Variants in HMX1 observed in about 807,000 individuals in gnomAD.
HMX1 encodes the protein homeobox protein HMX1.
Under a neutral mutation model 8.9 loss-of-function variants are expected in HMX1, and 8 were observed. That is an observed-to-expected ratio of 0.90 (90% CI 0.53 to 1.63). The LOEUF is 1.63. HMX1 is among the 40% of genes most tolerant of loss of function. The pLI is 0.00. For synonymous variants in HMX1, 311 were observed against 283.4 expected (o/e 1.10, Z -0.98); for missense variants, 621 against 558.5 (o/e 1.11, Z -1.13).
Position 8,867,948 on chromosome 4 carries a change from GGCTGCCA to G in HMX1, c.785_791del (p.Leu262ProfsTer146). On this transcript the variant is annotated frameshift_variant, in exon 2 of 2. Coordinates refer to ENST00000400677, the MANE Select transcript of HMX1 (RefSeq NM_018942.3). LOFTEE classifies it low-confidence loss of function (END_TRUNC). ...GGGACAGGCTGGCCGCCTCCAGCTC[GGCTGCCA>G]GCTGCCGCTTCCACTTGTTGCGGCG... is the stretch of plus-strand genomic sequence containing the variant. The G allele has an allele frequency of 6.7e-7, 1 of 1,488,296 alleles. No individual in the cohort carries two copies. Among genetic ancestry groups the G allele is most frequent in the South Asian group, 1.3e-5 (1 of 78,468 alleles). The allele number at this position is 1,488,296 out of a possible 1,614,324, so 92.2% of individuals were successfully genotyped here.
At chr4:8,855,666 A>T (rs994192858) in intron 1 of HMX1, among the ~76,000 whole-genome samples, 3 of 152,090 alleles carry the variant, frequency 2.0e-5, no homozygotes, top group Admixed American at 1.3e-4. Flanking sequence ...TGTGGCCAGG[A>T]CCCTTGGAGA....
At chr4:8,851,753 G>A (rs1368179701) in intron 1 of HMX1, among the ~76,000 whole-genome samples, 1 of 152,224 alleles carries the variant, frequency 6.6e-6, no homozygotes, top group Non-Finnish European at 1.5e-5. Context: ...GGAGCCTGAA[G>A]TCTAACCCCC....
At chr4:8,860,293 C>A (rs1375143212) in intron 1 of HMX1, among the ~76,000 whole-genome samples, 1 of 152,220 alleles carries the variant, frequency 6.6e-6, no homozygotes, top group African/African-American at 2.4e-5. Context: ...GCTGAGGGGA[C>A]CGGCCCGTGC....
At chr4:8,854,989 A>T (rs1291021798) in intron 1 of HMX1, among the ~76,000 whole-genome samples, 1 of 152,258 alleles carries the variant, frequency 6.6e-6, no homozygotes, top group African/African-American at 2.4e-5. Flanking sequence ...TTTCTTATGC[A>T]TGAAACACAC....
chr4:8,868,684 G>GT lies in HMX1; in HGVS notation c.395-340dup, dbSNP rs1286140777. Among the ~76,000 whole-genome samples, 3 of 152,148 alleles carry GT rather than the reference G, an allele frequency of 2.0e-5. No homozygotes were observed. Among genetic ancestry groups the GT allele is most frequent in the Non-Finnish European group, 1.5e-5 (1 of 68,036 alleles). On this transcript the variant is annotated intron_variant, in intron 1 of 1. Coordinates refer to ENST00000400677, the MANE Select transcript of HMX1 (RefSeq NM_018942.3). The surrounding 1 kb of genome is among the most constrained non-coding windows in gnomAD (Gnocchi z 4.6). ...ACACAAGAAAAGCAGGCTGACCCCA[G>GT]TGAGCACTCCCCACTCCCAGCTGCA... is the stretch of plus-strand genomic sequence containing the variant.
chr4:8,862,029 C>G (rs764768562), intron 1 of HMX1, among the ~76,000 whole-genome samples: 1 of 152,232 alleles, frequency 6.6e-6, no homozygotes, highest in Non-Finnish European at 1.5e-5. Flanking sequence ...CTGATATGTC[C>G]TCGACGCGGT....
At chr4:8,855,006 TGC>T (rs1331385274) in intron 1 of HMX1, among the ~76,000 whole-genome samples, 2 of 152,230 alleles carry the variant, frequency 1.3e-5, no homozygotes, top group East Asian at 3.8e-4. Context: ...ACACGTGTCC[TGC>T]TAAGTACAGT....
intron 1 of HMX1, among the ~76,000 whole-genome samples, chr4:8,855,613 A>T (rs566698976): frequency 6.6e-6 from 1 of 152,306 alleles, no homozygotes; most frequent in African/African-American, 2.4e-5. Flanking sequence ...GGCACTTAGC[A>T]AGGTCAAGGA....
Position 8,867,724 on chromosome 4 carries a change from A to C in HMX1, c.1016T>G (p.Phe339Cys), listed in dbSNP as rs1722052825. 7.8e-7 allele frequency: 1 copy of C among 1,281,072 alleles called. No individual in the cohort carries two copies. The highest frequency in any genetic ancestry group is 9.8e-7 in the Non-Finnish European group (1 of 1,017,364). 79.4% of individuals were successfully genotyped at this position (1,281,072 alleles called of 1,614,324 possible). ...CAGGCCAGGCATCTGCGCCCGCAGA[A>C]AGGGCACGGAGGCGGCGGCCGGGAA... ...AAFPAAASVPFLRAQMPGLV is the reference protein window; with the variant it reads ...AAFPAAASVPCLRAQMPGLV Residue 339 changes from phenylalanine (F) to cysteine (C), a missense_variant, in exon 2 of 2, where the codon TTT becomes TGT. Coordinates refer to ENST00000400677, the MANE Select transcript of HMX1 (RefSeq NM_018942.3).
intron 1 of HMX1, among the ~76,000 whole-genome samples, chr4:8,852,329 T>C (rs1022185408): frequency 1.3e-5 from 2 of 152,366 alleles, no homozygotes; most frequent in African/African-American, 2.4e-5. Context: ...GCCCTGCATC[T>C]GCTCCACTGC....
rs1721314160 is a variant in HMX1 at position 8,847,483 on chromosome 4, G to A, written c.395-1159C>T. Among the ~76,000 whole-genome samples, 1 of 152,202 alleles carries A rather than the reference G, an allele frequency of 6.6e-6. No homozygotes were observed. Among genetic ancestry groups the A allele is most frequent in the Non-Finnish European group, 1.5e-5 (1 of 68,048 alleles). ...ATGCCGCCAACAGACGGAAGCCACT[G>A]AGCCCTGCTCTTCGGAAGATGCTGG... is the stretch of plus-strand genomic sequence containing the variant. On this transcript the variant is annotated intron_variant, in intron 1 of 1. Transcript: ENST00000506970. The surrounding 1 kb of genome is among the most constrained non-coding windows in gnomAD (Gnocchi z 6.0).
At chr4:8,854,858 G>T (rs1440801376) in intron 1 of HMX1, among the ~76,000 whole-genome samples, 1 of 152,218 alleles carries the variant, frequency 6.6e-6, no homozygotes, top group Non-Finnish European at 1.5e-5. Flanking sequence ...ATAATCACAG[G>T]GAGGGATTCA....
At position 8,871,348 on chromosome 4, in the gene HMX1, C is replaced by T. The variant is rs919923361; in HGVS notation, c.267G>A (p.Pro89=). Residue 89 remains proline, a synonymous_variant, in exon 1 of 2, where the codon CCG becomes CCA. Coordinates refer to ENST00000400677, the MANE Select transcript of HMX1 (RefSeq NM_018942.3). The surrounding 1 kb of genome is among the most constrained non-coding windows in gnomAD (Gnocchi z 4.8). ...GEARARALLG[P]GALGLGPRPP... The stretch of plus-strand genomic sequence containing the variant: ...GCCGAGGACCGAGGCCCAGCGCGCC[C>T]GGCCCGAGCAGCGCACGGGCCCGCG... The T allele has an allele frequency of 4.7e-6, 6 of 1,265,912 alleles. No individual in the cohort carries two copies. In the Admixed American group the frequency reaches 1.8e-4, roughly 37 times the overall value. 78.4% of individuals were successfully genotyped at this position (1,265,912 alleles called of 1,614,324 possible). A position where few individuals can be genotyped will look rare whatever the true frequency, so the allele number is the denominator to read the frequency against.
chr4:8,861,409 T>C (rs1721813543), intron 1 of HMX1, among the ~76,000 whole-genome samples: 1 of 152,092 alleles, frequency 6.6e-6, no homozygotes, highest in African/African-American at 2.4e-5. Context: ...AAACACGCCC[T>C]GTCTCCCCGA....
At chr4:8,861,529 T>C (rs1721819493) in intron 1 of HMX1, among the ~76,000 whole-genome samples, 1 of 152,094 alleles carries the variant, frequency 6.6e-6, no homozygotes, top group South Asian at 2.1e-4. Flanking sequence ...CGCGGGATCC[T>C]CGTGCGCCGC....
At position 8,871,743 on chromosome 4, in the gene HMX1, C is replaced by A. The variant is rs1722233976; in HGVS notation, c.-129G>T. The stretch of plus-strand genomic sequence containing the variant: ...CCCGGACCGCTGGCGTCGGGCCCCG[C>A]AGGGCAGGCGGCGGCCTCCGCGCCG... On this transcript the variant is annotated 5_prime_UTR_variant, in exon 1 of 2. Coordinates refer to ENST00000400677, the MANE Select transcript of HMX1 (RefSeq NM_018942.3). This position sits in a 1 kb window ranked among gnomAD's most constrained non-coding sequence, Gnocchi z 4.8. 2.0e-6 allele frequency: 2 copies of A among 1,016,322 alleles called. No individual in the cohort carries two copies. The highest frequency in any genetic ancestry group is 1.2e-6 in the Non-Finnish European group (1 of 850,830). The allele number at this position is 1,016,322 out of a possible 1,614,324, so 63.0% of individuals were successfully genotyped here.
At chr4:8,846,079 G>A (rs974287958) in exon 2 of HMX1, 29 of 584,010 alleles carry the variant, frequency 5.0e-5, no homozygotes, top group Non-Finnish European at 8.8e-5. Flanking sequence ...ATCCAGGTGG[G>A]TGCACACACT....
In HMX1 at chr4:8,867,103, A is replaced by C. The variant is rs371971734; in HGVS notation, c.*590T>G. Reference sequence around the variant, plus strand: ...CAAATAAGTAGATTCATTTAAAAAAACAACAACCCGGAGGCTGCGACGTCT... The same window carrying C: ...CAAATAAGTAGATTCATTTAAAAAACCAACAACCCGGAGGCTGCGACGTCT... On this transcript the variant is annotated 3_prime_UTR_variant, in exon 2 of 2. Coordinates refer to ENST00000400677, the MANE Select transcript of HMX1 (RefSeq NM_018942.3). 233 of 985,430 alleles carry C rather than the reference A, an allele frequency of 2.4e-4. 2 individuals are homozygous for C. In the African/African-American group the frequency reaches 3.8e-3, roughly 16 times the overall value. The allele number at this position is 985,430 out of a possible 1,614,324, so 61.0% of individuals were successfully genotyped here.
At chr4:8,860,173 C>T (rs1239049620) in intron 1 of HMX1, among the ~76,000 whole-genome samples, 4 of 152,224 alleles carry the variant, frequency 2.6e-5, no homozygotes, top group African/African-American at 9.6e-5. Flanking sequence ...CCCTGGTGCC[C>T]CAGTGAGAGC....
Sources: allele counts gnomAD v4.1 joint callset (sites outside exome capture counted in the v4.1 genomes callset), GRCh38; gene constraint gnomAD v4.1.1; non-coding constraint Gnocchi (gnomAD v3.1); transcripts MANE v1.5; gene names NCBI Gene and HGNC (gene_info 2026-07-23, HGNC 2026-07-21).